The following ACOT13 variants were observed in gnomAD, a reference collection of about 807,000 sequenced individuals.
ACOT13 encodes the protein acyl-CoA thioesterase 13.
Under a neutral mutation model 11.8 loss-of-function variants are expected in ACOT13, and 10 were observed. That is an observed-to-expected ratio of 0.85 (90% CI 0.53 to 1.44). The LOEUF (loss-of-function observed/expected upper bound fraction) is 1.44. Ranked by LOEUF, ACOT13 falls within the 40% of genes most tolerant of loss-of-function variation. The pLI is 0.00. For synonymous variants in ACOT13, 53 were observed against 61.0 expected (o/e 0.87, Z 0.61); for missense variants, 172 against 174.1 (o/e 0.99, Z 0.07).
At chr6:24,674,205 G>C (rs543714646) in intron 1 of ACOT13, among the ~76,000 whole-genome samples, 14 of 152,182 alleles carry the variant, frequency 9.2e-5, no homozygotes, top group Non-Finnish European at 1.9e-4. Context: ...GGGATTACAC[G>C]TGCACCACAA....
chr6:24,697,995 A>C lies in ACOT13; in HGVS notation c.194A>C (p.Asp65Ala). The change falls in exon 2 of 3, where the codon GAT becomes GCT. Residue 65 changes from aspartate (D) to alanine (A), a missense_variant. By Grantham distance (126) the Asp-to-Ala change is moderately radical (BLOSUM62 -2). Coordinates refer to ENST00000230048, the MANE Select transcript of ACOT13 (RefSeq NM_018473.4). ...LHGGLTATLV[D>A]NISTMALLCT... is the part of the protein sequence containing the mutation. ...GGCGGTTTGACAGCCACGTTAGTAG[A>C]TAACATATCAACAATGGCTCTGCTA... is the stretch of plus-strand genomic sequence containing the variant. The C allele has an allele frequency of 6.2e-7, 1 of 1,614,056 alleles. No individual in the cohort carries two copies. Among genetic ancestry groups the C allele is most frequent in the East Asian group, 2.2e-5 (1 of 44,882 alleles).
chr6:24,677,986 G>A (rs756715210), intron 1 of ACOT13, among the ~76,000 whole-genome samples: 32 of 152,218 alleles, frequency 2.1e-4, no homozygotes, highest in Admixed American at 1.6e-3. Flanking sequence ...GGAAATTTAA[G>A]AGTGCTTGGG....
Position 24,703,895 on chromosome 6 carries a change from G to GT in ACOT13, c.*2281dup, listed in dbSNP as rs985621022. The GT allele has an allele frequency of 6.6e-6, 1 of 152,128 alleles. No individual in the cohort carries two copies. The highest frequency in any genetic ancestry group is 1.5e-5 in the Non-Finnish European group (1 of 67,996). 9.4% of individuals were successfully genotyped at this position (152,128 alleles called of 1,614,324 possible). Reference sequence around the variant, plus strand: ...AATAAACAATTCAAATGCAAAATGAGTAACAATTTACAAGAAAAATTGCCC... The same window carrying GT: ...AATAAACAATTCAAATGCAAAATGAGTTAACAATTTACAAGAAAAATTGCCC... On this transcript the variant is annotated 3_prime_UTR_variant, in exon 3 of 3. Coordinates refer to ENST00000230048, the MANE Select transcript of ACOT13 (RefSeq NM_018473.4).
At position 24,702,621 on chromosome 6, in the gene ACOT13, G is replaced by T. The variant is rs1172187557; in HGVS notation, c.*1006G>T. The T allele has an allele frequency of 6.6e-6, 1 of 151,962 alleles. No homozygotes were observed. Among genetic ancestry groups the T allele is most frequent in the African/African-American group, 2.4e-5 (1 of 41,298 alleles). The allele number at this position is 151,962 out of a possible 1,614,324, so 9.4% of individuals were successfully genotyped here. The stretch of plus-strand genomic sequence containing the variant: ...AGATCTAAAATGCCAAGCTACACTT[G>T]CATTTCCTTTTTTTAAGATTATGAA... On this transcript the variant is annotated 3_prime_UTR_variant, in exon 3 of 3. Coordinates refer to ENST00000230048, the MANE Select transcript of ACOT13 (RefSeq NM_018473.4).
chr6:24,693,308 C>T (rs1368503233), intron 1 of ACOT13, among the ~76,000 whole-genome samples: 1 of 152,202 alleles, frequency 6.6e-6, no homozygotes, highest in Non-Finnish European at 1.5e-5. Flanking sequence ...ATGTCACACT[C>T]CTGTGCTTGA....
At chr6:24,681,008 C>G (rs1232960532) in intron 1 of ACOT13, among the ~76,000 whole-genome samples, 3 of 152,170 alleles carry the variant, frequency 2.0e-5, no homozygotes, top group Non-Finnish European at 4.4e-5. Context: ...TCGTCCTGTC[C>G]TGAAGGGAGT....
chr6:24,688,274 C>T lies in ACOT13; in HGVS notation c.82-9609C>T, dbSNP rs111834746. 2.8e-3 allele frequency among the ~76,000 whole-genome samples: 429 copies of T among 151,926 alleles called. 5 individuals carry two copies. Among genetic ancestry groups the T allele is most frequent in the African/African-American group, 9.7e-3 (401 of 41,412 alleles). On this transcript the variant is annotated intron_variant, in intron 1 of 2. Coordinates refer to ENST00000230048, the MANE Select transcript of ACOT13 (RefSeq NM_018473.4). ...TGGGAAATAGCTGGGCATGGTGGCT[C>T]ATGCCTGTAATCCCAACACTTTAGG...
rs371696489 is a variant in ACOT13, at chr6:24,697,369, G to A, written c.82-514G>A. Among the ~76,000 whole-genome samples, 69 of 152,004 alleles carry A rather than the reference G, an allele frequency of 4.5e-4. No individual in the cohort carries two copies. In the South Asian group the frequency reaches 0.013, roughly 29 times the overall value. On this transcript the variant is annotated intron_variant, in intron 1 of 2. Coordinates refer to ENST00000230048, the MANE Select transcript of ACOT13 (RefSeq NM_018473.4). ...AAACAACAAATTAAACCTATAATGA[G>A]TTAACAGATCTCAGCTGGGTGGCTT...
In ACOT13 at chr6:24,667,079, T is replaced by C; in HGVS notation, c.-185T>C. On this transcript the variant is annotated 5_prime_UTR_variant, in exon 1 of 3. Coordinates refer to ENST00000230048, the MANE Select transcript of ACOT13 (RefSeq NM_018473.4). ...GTCACAAGGGTGCGAGGAAAGTCAG[T>C]GAGCAAATCGCGGACCACCGGGGCT... The C allele has an allele frequency of 1.2e-5, 10 of 853,954 alleles. No individual in the cohort carries two copies. The highest frequency in any genetic ancestry group is 1.8e-5 in the Non-Finnish European group (10 of 563,774). The allele number at this position is 853,954 out of a possible 1,614,324, so 52.9% of individuals were successfully genotyped here.
At position 24,667,099 on chromosome 6, in the gene ACOT13, G is replaced by A. The variant is rs1333341278; in HGVS notation, c.-165G>A. On this transcript the variant is annotated 5_prime_UTR_variant, in exon 1 of 3. Coordinates refer to ENST00000230048, the MANE Select transcript of ACOT13 (RefSeq NM_018473.4). ...GTCAGTGAGCAAATCGCGGACCACC[G>A]GGGCTGCCAGCTCGCCTGACTCCCG... 3 of 848,296 alleles carry A rather than the reference G, an allele frequency of 3.5e-6. No homozygotes were observed. Among genetic ancestry groups the A allele is most frequent in the Non-Finnish European group, 5.4e-6 (3 of 556,116 alleles). 52.5% of individuals were successfully genotyped at this position (848,296 alleles called of 1,614,324 possible).
chr6:24,667,422 T>C, intron 1 of ACOT13, 78 bp downstream of exon 1: 5 of 1,311,520 alleles, frequency 3.8e-6, no homozygotes, highest in Non-Finnish European at 5.5e-6. Flanking sequence ...GTTGTGAGCT[T>C]TGAATAATTA....
intron 1 of ACOT13, among the ~76,000 whole-genome samples, chr6:24,681,863 C>T (rs572194503): frequency 3.3e-5 from 5 of 152,298 alleles, no homozygotes; most frequent in Non-Finnish European, 5.9e-5. Context: ...TTTGGGGCTA[C>T]ACTTTCAAGA....
chr6:24,683,924 G>C (rs9461049), intron 1 of ACOT13, among the ~76,000 whole-genome samples: 114,000 of 149,028 alleles, frequency 0.76, 44,410 homozygotes, highest in African/African-American at 0.9. Context: ...CTTTCACAGC[G>C]TGAAAAACAA....
intron 1 of ACOT13, among the ~76,000 whole-genome samples, chr6:24,671,397 T>C (rs1488614954): frequency 2.6e-5 from 4 of 151,176 alleles, no homozygotes; most frequent in Admixed American, 1.3e-4. Flanking sequence ...TCACTCATAG[T>C]TGGGAATTGA....
At position 24,704,252 on chromosome 6, in the gene ACOT13, G is replaced by A. The variant is rs1305669603; in HGVS notation, c.*2637G>A. 1 of 152,182 alleles carries A rather than the reference G, an allele frequency of 6.6e-6. No homozygotes were observed. Among genetic ancestry groups the A allele is most frequent in the African/African-American group, 2.4e-5 (1 of 41,444 alleles). The allele number at this position is 152,182 out of a possible 1,614,324, so 9.4% of individuals were successfully genotyped here. ...AGTGTACAGAGAAAATGAAAAAAAT[G>A]TGGCAAAATAATAAAAATGAGGGTA... is the stretch of plus-strand genomic sequence containing the variant. On this transcript the variant is annotated 3_prime_UTR_variant, in exon 3 of 3. Transcript: ENST00000230048.
At chr6:24,701,294 G>A (rs1390276458) in intron 2 of ACOT13, 165 bp from the exon 3 acceptor site, 3 of 488,124 alleles carry the variant, frequency 6.1e-6, no homozygotes, top group East Asian at 3.5e-5. Flanking sequence ...ATAGAACCTG[G>A]TTAGGACCAG....
At chr6:24,691,402 A>G (rs1038986335) in intron 1 of ACOT13, among the ~76,000 whole-genome samples, 2 of 152,192 alleles carry the variant, frequency 1.3e-5, no homozygotes, top group African/African-American at 4.8e-5. Context: ...TGGAAGTTCT[A>G]TTTTAGTGGA....
chr6:24,686,352 A>C (rs2127625263), intron 1 of ACOT13, among the ~76,000 whole-genome samples: 1 of 152,280 alleles, frequency 6.6e-6, no homozygotes, highest in Non-Finnish European at 1.5e-5. Context: ...CGTTGCTATA[A>C]AGGAATACCT....
At position 24,701,587 on chromosome 6, in the gene ACOT13, G is replaced by A. The variant is rs535771108; in HGVS notation, c.395G>A (p.Gly132Glu). The A allele has an allele frequency of 1.9e-6, 3 of 1,612,736 alleles. No individual in the cohort carries two copies. In the South Asian group the frequency reaches 3.3e-5, roughly 18 times the overall value. ...GCCACAGGAAAATTAATAGCACAAGGAAGACACACAAAACACCTGGGAAAC... is the reference window on the plus strand; with the variant it reads ...GCCACAGGAAAATTAATAGCACAAGAAAGACACACAAAACACCTGGGAAAC... ...NKATGKLIAQ[G>E]RHTKHLGN Residue 132 changes from glycine to glutamate, a missense_variant, in exon 3 of 3, where the codon GGA becomes GAA. Coordinates refer to ENST00000230048, the MANE Select transcript of ACOT13 (RefSeq NM_018473.4).
Sources: gnomAD v4.1 joint callset for allele counts (sites outside exome capture counted in the v4.1 genomes callset) on GRCh38, gnomAD v4.1.1 for gene constraint, MANE v1.5 for transcripts, NCBI Gene and HGNC (gene_info 2026-07-23, HGNC 2026-07-21) for gene names.